TENM2: variants seen among roughly 807,000 people sequenced by gnomAD.
TENM2 encodes teneurin-2.
TENM2 carries 52 observed loss-of-function variants against 245.2 expected under a neutral mutation model. The ratio of observed to expected loss-of-function variants is 0.21; its 90% CI spans 0.17 to 0.27. The LOEUF (loss-of-function observed/expected upper bound fraction) is 0.27, where lower values mean the gene tolerates loss of function less well. Ranked by LOEUF, TENM2 falls within the 10% of genes least tolerant of loss-of-function variation. The probability of loss-of-function intolerance (pLI) is 1.00; values close to 1 mark genes in which losing one functional copy is unlikely to be tolerated. For missense variants in TENM2, 3,046 were observed against 3,666.8 expected (o/e 0.83, Z 4.37); for synonymous variants, 1,363 against 1,438.9 (o/e 0.95, Z 1.19).
chr5:167,945,623 A>G (rs1015959075), intron 3 of TENM2, among the ~76,000 whole-genome samples: 3 of 152,104 alleles, frequency 2.0e-5, no homozygotes, highest in Non-Finnish European at 4.4e-5. Context: ...CCTGCAAATG[A>G]TTGCTCCTTG....
At chr5:167,134,680 AT>A in the TENM2 span, among the ~76,000 whole-genome samples, 1 of 152,032 alleles carries the variant, frequency 6.6e-6, no homozygotes, top group Non-Finnish European at 1.5e-5. Context: ...TCTCTGACCC[AT>A]TTTTCAACGC....
chr5:167,539,314 A>C (rs1772048562), intron 2 of TENM2, among the ~76,000 whole-genome samples: 1 of 152,136 alleles, frequency 6.6e-6, no homozygotes, highest in Admixed American at 6.5e-5. Context: ...AAGCACTGAA[A>C]TCTCCCATTC....
chr5:167,891,347 C>T (rs1774742314), intron 3 of TENM2, among the ~76,000 whole-genome samples: 1 of 152,182 alleles, frequency 6.6e-6, no homozygotes, highest in African/African-American at 2.4e-5. Flanking sequence ...GCAACCTCCA[C>T]TCACTGCAGC....
At position 168,228,720 on chromosome 5, in the gene TENM2, G is replaced by C. The variant is rs569685709; in HGVS notation, c.5520+590G>C. Among the ~76,000 whole-genome samples the C allele has an allele frequency of 9.7e-5, 8 of 82,462 alleles. No homozygotes were observed. The South Asian group carries it at 3.5e-3, about 36-fold the overall frequency. The allele number at this position is 82,462 out of a possible 152,430, so 54.1% of individuals were successfully genotyped here. ...CCCAGAGGGATGCCACTCAGCCTGA[G>C]AGGTTCAGGGAAGATTTCCCAAGAG... On this transcript the variant is annotated intron_variant, in intron 25 of 28. Transcript: ENST00000518659.
At chr5:167,139,684 C>G in the TENM2 span, among the ~76,000 whole-genome samples, 9 of 152,248 alleles carry the variant, frequency 5.9e-5, no homozygotes, top group Admixed American at 4.6e-4. Flanking sequence ...CTACAATGCT[C>G]TATGCAATTC....
chr5:167,007,725 A>G, the TENM2 span, among the ~76,000 whole-genome samples: 1 of 152,134 alleles, frequency 6.6e-6, no homozygotes, highest in Non-Finnish European at 1.5e-5. This position sits in a 1 kb window ranked among gnomAD's most constrained non-coding sequence, Gnocchi z 4.2. Context: ...GCTCAACCCT[A>G]TAGCTAAATG....
At chr5:167,382,352 C>G (rs916668124) in intron 2 of TENM2, among the ~76,000 whole-genome samples, 1 of 152,122 alleles carries the variant, frequency 6.6e-6, no homozygotes, top group Non-Finnish European at 1.5e-5. Context: ...CAGTGATACA[C>G]GAAGACCTCC....
chr5:167,172,359 A>G, the TENM2 span, among the ~76,000 whole-genome samples: 1 of 152,216 alleles, frequency 6.6e-6, no homozygotes, highest in Non-Finnish European at 1.5e-5. Context: ...AAGGCATCTC[A>G]TTTAAATCTC....
Position 168,209,796 on chromosome 5 carries a change from G to C in TENM2, c.3825-1938G>C, listed in dbSNP as rs80015096. ...TTTTCCAGCCCTAACTCTCTCCTGG[G>C]CCTTCTACTAAGTATCTGCAATTCA... On this transcript the variant is annotated intron_variant, in intron 19 of 28. Coordinates refer to ENST00000518659, the Ensembl canonical transcript of TENM2. Among the ~76,000 whole-genome samples the C allele has an allele frequency of 1.3e-3, 193 of 152,250 alleles. 2 individuals carry two copies. The East Asian group carries it at 0.027, about 21-fold the overall frequency.
chr5:167,861,830 C>T (rs1166695174), intron 2 of TENM2, among the ~76,000 whole-genome samples: 1 of 152,252 alleles, frequency 6.6e-6, no homozygotes, highest in Non-Finnish European at 1.5e-5. Flanking sequence ...GCAGGCCTTT[C>T]TGCCTTCTCC....
Position 168,226,278 on chromosome 5 carries a change from A to G in TENM2, c.5284+15A>G, listed in dbSNP as rs368646834. 1 of 1,608,864 alleles carries G rather than the reference A, an allele frequency of 6.2e-7. No individual in the cohort carries two copies. The highest frequency in any genetic ancestry group is 8.5e-7 in the Non-Finnish European group (1 of 1,176,706). On this transcript the variant is annotated intron_variant, in intron 24 of 28. Transcript: ENST00000518659. ...AGTGGTACAAGGTGAGCCTCCACCCATACCATCCTACCCCCAAACTCACCC... is the reference window on the plus strand; with the variant it reads ...AGTGGTACAAGGTGAGCCTCCACCCGTACCATCCTACCCCCAAACTCACCC...
the TENM2 span, among the ~76,000 whole-genome samples, chr5:167,158,030 A>C: frequency 6.6e-6 from 1 of 152,138 alleles, no homozygotes; most frequent in Non-Finnish European, 1.5e-5. Context: ...ACCCCATGAC[A>C]TTTCTCTTTT....
At chr5:168,002,637 T>C (rs1179544662) in intron 5 of TENM2, among the ~76,000 whole-genome samples, 1 of 152,250 alleles carries the variant, frequency 6.6e-6, no homozygotes, top group African/African-American at 2.4e-5. Context: ...GTAGTGTGTT[T>C]AAACTTTCTT....
chr5:167,762,948 C>CT (rs1014513659), intron 2 of TENM2, among the ~76,000 whole-genome samples: 1 of 152,190 alleles, frequency 6.6e-6, no homozygotes, highest in African/African-American at 2.4e-5. Context: ...AACTGTCAGA[C>CT]TTTTTTTCCC....
intron 12 of TENM2, chr5:168,130,051 C>A: frequency 6.6e-6 from 1 of 152,126 alleles, no homozygotes; most frequent in East Asian, 1.9e-4. Context: ...CTGAACAATT[C>A]ACATCAGTCC....
intron 27 of TENM2, among the ~76,000 whole-genome samples, chr5:168,259,641 C>T (rs1014156558): frequency 5.3e-5 from 8 of 152,180 alleles, no homozygotes; most frequent in African/African-American, 1.9e-4. Flanking sequence ...CCAGAGGACT[C>T]TGCTTTCCAT....
chr5:167,229,087 G>T, the TENM2 span, among the ~76,000 whole-genome samples: 10 of 152,198 alleles, frequency 6.6e-5, no homozygotes, highest in Non-Finnish European at 1.0e-4. Flanking sequence ...TGTCACTTTG[G>T]CTTTGAATCT....
At chr5:167,056,316 A>T in the TENM2 span, among the ~76,000 whole-genome samples, 1 of 151,426 alleles carries the variant, frequency 6.6e-6, no homozygotes, top group Non-Finnish European at 1.5e-5. Flanking sequence ...TTTGAATGAT[A>T]ATTTCACAGG....
rs529942677 is a variant in TENM2, at chr5:167,715,398, C to T, written c.503-160588C>T. 3.9e-4 allele frequency among the ~76,000 whole-genome samples: 60 copies of T among 152,232 alleles called. 1 individual carries two copies. Among genetic ancestry groups the T allele is most frequent in the South Asian group, 1.0e-3 (5 of 4,816 alleles). On this transcript the variant is annotated intron_variant, in intron 2 of 28. Coordinates refer to ENST00000518659, the Ensembl canonical transcript of TENM2. ...AGCTGGAGGCAGGTGGCATGGGCTA[C>T]GGTAGAGGCCCAGATGAAGGGGCTA...
Sources: allele counts gnomAD v4.1 joint callset (sites outside exome capture counted in the v4.1 genomes callset), GRCh38; gene constraint gnomAD v4.1.1; non-coding constraint Gnocchi (gnomAD v3.1); transcripts MANE v1.5; gene names NCBI Gene and HGNC (gene_info 2026-07-23, HGNC 2026-07-21).